FBXW11: variants seen among roughly 807,000 people sequenced by gnomAD.
FBXW11 encodes the protein F-box/WD repeat-containing protein 11.
In FBXW11, 19 loss-of-function variants were observed where a neutral mutation model predicts 77.6. That is an observed-to-expected ratio of 0.24 (90% CI 0.17 to 0.36). The LOEUF is 0.36. Ranked by LOEUF, FBXW11 falls within the 10% of genes least tolerant of loss-of-function variation. The probability of loss-of-function intolerance (pLI) is 1.00; values close to 1 mark genes in which losing one functional copy is unlikely to be tolerated. For synonymous variants in FBXW11, 235 were observed against 249.4 expected, an observed-to-expected ratio of 0.94 and a Z score of 0.54; for missense variants, 334 against 704.2, an observed-to-expected ratio of 0.47 and a Z score of 5.95.
intron 1 of FBXW11, among the ~76,000 whole-genome samples, chr5:172,002,579 A>C (rs1766473849): frequency 1.3e-5 from 2 of 151,738 alleles, no homozygotes; most frequent in African/African-American, 4.8e-5. Flanking sequence ...TGAAGTCACT[A>C]AACAACCCCA....
intron 1 of FBXW11, among the ~76,000 whole-genome samples, chr5:171,986,684 G>A (rs563173789): frequency 4.1e-5 from 6 of 146,668 alleles, no homozygotes; most frequent in South Asian, 4.3e-4. Context: ...CCGAGATGGC[G>A]CCACCGCACT....
At chr5:171,878,173 T>C (rs749116442) in intron 7 of FBXW11, 44 bp from the exon 8 acceptor site, 11 of 1,354,376 alleles carry the variant, frequency 8.1e-6, no homozygotes, top group African/African-American at 2.9e-5. Context: ...AATTATACTA[T>C]ATTTTGATGA....
chr5:171,914,329 G>A lies in FBXW11; in HGVS notation c.210+14C>T, dbSNP rs370926312. The A allele has an allele frequency of 6.0e-5, 96 of 1,597,474 alleles. 1 individual carries two copies. The highest frequency in any genetic ancestry group is 7.3e-5 in the Non-Finnish European group (86 of 1,171,624). Reference sequence around the variant, plus strand: ...AAGTCAGTTGCTATCTAATCTGTGCGCCGTCATTCCTACCTGCCAAAGAGT... The same window carrying A: ...AAGTCAGTTGCTATCTAATCTGTGCACCGTCATTCCTACCTGCCAAAGAGT... On this transcript the variant is annotated intron_variant, in intron 3 of 13. Transcript: ENST00000517395.
chr5:171,937,371 G>A (rs781242768), intron 2 of FBXW11, among the ~76,000 whole-genome samples: 1 of 152,150 alleles, frequency 6.6e-6, no homozygotes, highest in Non-Finnish European at 1.5e-5. Context: ...ATACTCCAGA[G>A]TAGGGTTGGC....
intron 7 of FBXW11, among the ~76,000 whole-genome samples, chr5:171,882,390 C>T (rs534629695): frequency 6.6e-6 from 1 of 152,314 alleles, no homozygotes; most frequent in South Asian, 2.1e-4. Flanking sequence ...AGCCTTTGAC[C>T]TCCCGGGCTC....
chr5:171,998,856 T>G (rs947762022), intron 1 of FBXW11, among the ~76,000 whole-genome samples: 2 of 151,880 alleles, frequency 1.3e-5, no homozygotes, highest in African/African-American at 4.8e-5. Flanking sequence ...TCAAGTAGTC[T>G]TTGTGTTTAG....
intron 1 of FBXW11, among the ~76,000 whole-genome samples, chr5:171,966,841 G>A (rs915551790): frequency 6.6e-6 from 1 of 152,090 alleles, no homozygotes; most frequent in Non-Finnish European, 1.5e-5. Context: ...AATTGGGAGG[G>A]GGTACAAAGT....
Position 171,981,779 on chromosome 5 carries a change from C to T in FBXW11, c.46-24081G>A, listed in dbSNP as rs182826789. ...CCAAGTTTTATTCATAATAGCCAAA[C>T]GCAGGAAACAGCCTAAACATCCATC... On this transcript the variant is annotated intron_variant, in intron 1 of 13. Transcript: ENST00000517395. Among the ~76,000 whole-genome samples, 8 of 152,208 alleles carry T rather than the reference C, an allele frequency of 5.3e-5. No individual in the cohort carries two copies. In the East Asian group the frequency reaches 5.8e-4, roughly 11 times the overall value.
At chr5:171,888,855 C>G (rs1230882931) in intron 7 of FBXW11, among the ~76,000 whole-genome samples, 1 of 152,092 alleles carries the variant, frequency 6.6e-6, no homozygotes, top group Non-Finnish European at 1.5e-5. Flanking sequence ...GAAATAGAAA[C>G]TGTAAAATAT....
At chr5:171,879,954 ATTCT>A (rs1226474978) in intron 7 of FBXW11, among the ~76,000 whole-genome samples, 4 of 152,152 alleles carry the variant, frequency 2.6e-5, no homozygotes, top group African/African-American at 9.7e-5. Flanking sequence ...CAGCTCATTA[ATTCT>A]TTCTTTCATG....
At chr5:171,952,507 C>A (rs1301240620) in intron 2 of FBXW11, among the ~76,000 whole-genome samples, 1 of 123,672 alleles carries the variant, frequency 8.1e-6, no homozygotes, top group Non-Finnish European at 1.6e-5. Flanking sequence ...GGCTGGAGTG[C>A]AGTGGTACAA....
chr5:171,870,337 A>G (rs1262033369), intron 11 of FBXW11, among the ~76,000 whole-genome samples: 1 of 152,140 alleles, frequency 6.6e-6, no homozygotes, highest in Non-Finnish European at 1.5e-5. Flanking sequence ...GGGTTTGTTC[A>G]ATTTACCAAA....
intron 2 of FBXW11, among the ~76,000 whole-genome samples, chr5:171,934,489 T>TA (rs1217728672): frequency 6.6e-6 from 1 of 151,412 alleles, no homozygotes; most frequent in Non-Finnish European, 1.5e-5. Context: ...CCAGCCTGGG[T>TA]AAAATGGTGA....
At chr5:171,889,132 C>T (rs1051965967) in intron 7 of FBXW11, among the ~76,000 whole-genome samples, 8 of 152,118 alleles carry the variant, frequency 5.3e-5, no homozygotes, top group Non-Finnish European at 7.3e-5. Flanking sequence ...GAATGAAAGA[C>T]GTAAATTTAC....
At chr5:171,880,639 T>C (rs12186824) in intron 7 of FBXW11, among the ~76,000 whole-genome samples, 57 of 152,360 alleles carry the variant, frequency 3.7e-4, no homozygotes, top group Non-Finnish European at 7.1e-4. Flanking sequence ...ATAGATCTTA[T>C]AAATATTTTG....
chr5:171,865,639 C>T (rs1177423212), intron 13 of FBXW11, among the ~76,000 whole-genome samples: 1 of 152,178 alleles, frequency 6.6e-6, no homozygotes, highest in Non-Finnish European at 1.5e-5. Flanking sequence ...TGGTAAACCA[C>T]GAGCAGGAGT....
intron 1 of FBXW11, among the ~76,000 whole-genome samples, chr5:171,986,700 C>G (rs13183518): frequency 6.6e-6 from 1 of 150,474 alleles, no homozygotes; most frequent in African/African-American, 2.5e-5. Context: ...GCACTCCAGC[C>G]TGGGCAACAG....
intron 1 of FBXW11, among the ~76,000 whole-genome samples, chr5:171,998,122 A>C (rs771228265): frequency 2.0e-5 from 3 of 152,126 alleles, no homozygotes; most frequent in Non-Finnish European, 4.4e-5. Flanking sequence ...ATGATTTCTG[A>C]GAGAGGAGAA....
chr5:171,891,629 T>C, intron 6 of FBXW11, 25 bp from the exon 7 acceptor site: 1 of 1,600,316 alleles, frequency 6.2e-7, no homozygotes. Context: ...AGGCAAGAGA[T>C]GAGTTTTTAT....
Sources: allele counts gnomAD v4.1 joint callset (sites outside exome capture counted in the v4.1 genomes callset), GRCh38; gene constraint gnomAD v4.1.1; transcripts MANE v1.5; gene names NCBI Gene and HGNC (gene_info 2026-07-23, HGNC 2026-07-21).